Variants in CLVS1 observed in about 807,000 individuals in gnomAD.
The protein encoded by CLVS1 is clavesin-1.
Under a neutral mutation model 33.1 loss-of-function variants are expected in CLVS1, and 10 were observed. The observed-to-expected ratio is 0.30, with a 90% CI of 0.19 to 0.51. The LOEUF (loss-of-function observed/expected upper bound fraction) is 0.51, where lower values mean the gene tolerates loss of function less well. Ranked by LOEUF, CLVS1 falls within the 20% of genes least tolerant of loss-of-function variation. The probability of loss-of-function intolerance (pLI) is 0.97; values close to 1 mark genes in which losing one functional copy is unlikely to be tolerated. For synonymous variants in CLVS1, 163 were observed against 166.1 expected (o/e 0.98, Z 0.14); for missense variants, 343 against 433.4 (o/e 0.79, Z 1.85).
chr8:60,978,827 A>G, the CLVS1 span, among the ~76,000 whole-genome samples: 1 of 150,926 alleles, frequency 6.6e-6, no homozygotes. Flanking sequence ...AAAAAAAAAA[A>G]AAAAAAGAAA....
the CLVS1 span, among the ~76,000 whole-genome samples, chr8:60,977,384 A>G: frequency 6.6e-6 from 1 of 152,250 alleles, no homozygotes; most frequent in Non-Finnish European, 1.5e-5. Context: ...AGTCAAAGAC[A>G]GTAAATCGAC....
rs1323604728 is a variant in CLVS1, at chr8:61,376,669, G to A, written c.520G>A (p.Glu174Lys). The change falls in exon 3 of 6, where the codon GAG becomes AAG. Residue 174 changes from glutamate to lysine, a missense_variant. Glu to Lys is a moderately conservative substitution (Grantham distance 56). Transcript: ENST00000325897. ...LSLEVLIEDPELQINGFILII... is the reference protein window; with the variant it reads ...LSLEVLIEDPKLQINGFILII... ...ATTGGAAGTCCTAATCGAAGATCCGGAGCTTCAGATAAATGGCTTCATTTT... is the reference window on the plus strand; with the variant it reads ...ATTGGAAGTCCTAATCGAAGATCCGAAGCTTCAGATAAATGGCTTCATTTT... The A allele has an allele frequency of 5.0e-6, 8 of 1,614,006 alleles. No homozygotes were observed. In the South Asian group the frequency reaches 8.8e-5, roughly 18 times the overall value.
At chr8:61,015,318 G>T in the CLVS1 span, among the ~76,000 whole-genome samples, 2 of 152,354 alleles carry the variant, frequency 1.3e-5, no homozygotes, top group Admixed American at 1.3e-4. Flanking sequence ...CTTGTTTGCA[G>T]TCACACAGAA....
chr8:61,258,405 G>A (rs1426897899), intron 2 of CLVS1, among the ~76,000 whole-genome samples: 2 of 152,142 alleles, frequency 1.3e-5, no homozygotes, highest in Non-Finnish European at 2.9e-5. Context: ...CATACATCTT[G>A]TGAGGGGAGG....
the CLVS1 span, among the ~76,000 whole-genome samples, chr8:60,987,291 A>G: frequency 7.6e-4 from 116 of 152,314 alleles, no homozygotes; most frequent in African/African-American, 2.5e-3. Flanking sequence ...ATAAATCTTG[A>G]AGGATAAATA....
chr8:61,453,206 A>G (rs906209769), intron 3 of CLVS1, among the ~76,000 whole-genome samples: 2 of 151,946 alleles, frequency 1.3e-5, no homozygotes, highest in South Asian at 2.1e-4. Flanking sequence ...TTTTAATTCT[A>G]TTAACTGAGA....
chr8:61,164,320 G>T (rs2129297165), intron 2 of CLVS1, among the ~76,000 whole-genome samples: 1 of 152,282 alleles, frequency 6.6e-6, no homozygotes, highest in East Asian at 1.9e-4. Flanking sequence ...GAGGAAAAGG[G>T]TCCTTGGGAA....
the CLVS1 span, among the ~76,000 whole-genome samples, chr8:60,984,267 A>C: frequency 2.0e-5 from 3 of 149,566 alleles, no homozygotes; most frequent in Non-Finnish European, 4.4e-5. Flanking sequence ...GCTTGTCCTC[A>C]CTTACAAAGA....
rs1485992384 is a variant in CLVS1, at chr8:61,299,869, C to G, written c.42C>G (p.Asn14Lys). 1 of 1,613,238 alleles carries G rather than the reference C, an allele frequency of 6.2e-7. No individual in the cohort carries two copies. Among genetic ancestry groups the G allele is most frequent in the South Asian group, 1.1e-5 (1 of 91,028 alleles). ...VSLLPKYQKLNTWNGDLAKMT... is the reference protein window; with the variant it reads ...VSLLPKYQKLKTWNGDLAKMT... ...TTCTTCCAAAATATCAGAAGTTAAA[C>G]ACTTGGAACGGAGATTTGGCCAAGA... The change falls in exon 2 of 6, where the codon AAC becomes AAG. Residue 14 changes from asparagine to lysine, a missense_variant. Physicochemically the swap from Asn to Lys is moderately conservative, Grantham distance 94 (BLOSUM62 0). This residue lies in a region of CLVS1 where 88 missense variants were observed against 77.3 expected (regional missense o/e 1.14). Transcript: ENST00000325897.
chr8:61,088,941 A>G (rs1390904917), intron 1 of CLVS1, among the ~76,000 whole-genome samples: 1 of 151,808 alleles, frequency 6.6e-6, no homozygotes, highest in Non-Finnish European at 1.5e-5. Flanking sequence ...AGCTGGGACT[A>G]CAGGCGCCTG....
At chr8:61,336,067 G>A (rs1051484233) in intron 2 of CLVS1, among the ~76,000 whole-genome samples, 2 of 152,070 alleles carry the variant, frequency 1.3e-5, no homozygotes, top group Non-Finnish European at 2.9e-5. Flanking sequence ...AAAGCAAGAG[G>A]ACGGGTCTCT....
chr8:61,328,958 A>G (rs754291969), intron 2 of CLVS1, among the ~76,000 whole-genome samples: 2 of 152,186 alleles, frequency 1.3e-5, no homozygotes, highest in Non-Finnish European at 2.9e-5. Flanking sequence ...CATGTCTAAC[A>G]TGGAATTTTT....
Position 61,216,089 on chromosome 8 carries a change from C to T in CLVS1, c.-151-83588C>T, listed in dbSNP as rs75642668. On this transcript the variant is annotated intron_variant, in intron 2 of 2. Transcript: ENST00000522621. ...CTTCACTTTCTCCTCTCCTAGACTG[C>T]CTTGGGGATTGAGATTTCTTTATGG... Among the ~76,000 whole-genome samples, 478 of 152,240 alleles carry T rather than the reference C, an allele frequency of 3.1e-3. 1 individual carries two copies. The highest frequency in any genetic ancestry group is 0.011 in the African/African-American group (445 of 41,532).
At chr8:61,158,861 C>G in intron 2 of CLVS1, among the ~76,000 whole-genome samples, 1 of 151,896 alleles carries the variant, frequency 6.6e-6, no homozygotes, top group African/African-American at 2.4e-5. Context: ...TTTTTAAAGA[C>G]AAGGTCTTGC....
intron 2 of CLVS1, among the ~76,000 whole-genome samples, chr8:61,143,579 C>T (rs1806352938): frequency 6.6e-6 from 1 of 151,916 alleles, no homozygotes; most frequent in South Asian, 2.1e-4. Flanking sequence ...AGAGAGTCTC[C>T]CTAGTGCCAG....
intron 1 of CLVS1, among the ~76,000 whole-genome samples, chr8:61,124,142 C>A (rs1323796801): frequency 1.3e-5 from 2 of 152,150 alleles, no homozygotes; most frequent in African/African-American, 2.4e-5. Context: ...TGGAAATGAG[C>A]AGATCACTGT....
chr8:61,009,329 G>A, the CLVS1 span, among the ~76,000 whole-genome samples: 4 of 152,134 alleles, frequency 2.6e-5, no homozygotes, highest in Non-Finnish European at 5.9e-5. Flanking sequence ...TTAATTTTTT[G>A]TAGATACAGG....
chr8:61,254,726 G>A (rs546303223), intron 2 of CLVS1, among the ~76,000 whole-genome samples: 6 of 152,252 alleles, frequency 3.9e-5, no homozygotes, highest in Non-Finnish European at 5.9e-5. Context: ...AGCCAGGCAC[G>A]GGATATAATC....
intron 2 of CLVS1, among the ~76,000 whole-genome samples, chr8:61,162,790 G>A (rs908333318): frequency 3.3e-4 from 50 of 152,106 alleles, no homozygotes; most frequent in Admixed American, 1.2e-3. Flanking sequence ...TTATAAACCT[G>A]TTGTTTGAGC....
Sources: gnomAD v4.1 joint callset for allele counts (sites outside exome capture counted in the v4.1 genomes callset) on GRCh38, gnomAD v4.1.1 for gene constraint, gnomAD v4.1.1 regional missense constraint, MANE v1.5 for transcripts, NCBI Gene and HGNC (gene_info 2026-07-23, HGNC 2026-07-21) for gene names.